Variants in RGS7 observed in about 807,000 individuals in gnomAD.
RGS7 encodes the protein regulator of G-protein signaling 7.
Under a neutral mutation model 81.1 loss-of-function variants are expected in RGS7, and 27 were observed. The observed-to-expected ratio is 0.33, with a 90% confidence interval of 0.25 to 0.46. The LOEUF is 0.46. RGS7 is among the 20% of genes least tolerant of loss of function. RGS7 has a pLI of 1.00. For synonymous variants in RGS7, 208 were observed against 207.7 expected, an observed-to-expected ratio of 1.00 and a Z score of -0.01; for missense variants, 396 against 607.4, an observed-to-expected ratio of 0.65 and a Z score of 3.66.
chr1:241,256,970 T>C (rs987596464), intron 2 of RGS7, among the ~76,000 whole-genome samples: 3 of 151,674 alleles, frequency 2.0e-5, no homozygotes, highest in African/African-American at 4.8e-5. Context: ...CACGTGTGTG[T>C]ATCTATATAT....
At chr1:240,890,672 A>C (rs1250411861) in intron 6 of RGS7, among the ~76,000 whole-genome samples, 2 of 152,126 alleles carry the variant, frequency 1.3e-5, no homozygotes, top group East Asian at 1.9e-4. Flanking sequence ...TTATAGATTA[A>C]TTATTTCTCC....
chr1:241,310,741 G>A (rs1421293622), intron 2 of RGS7, among the ~76,000 whole-genome samples: 1 of 152,028 alleles, frequency 6.6e-6, no homozygotes, highest in Non-Finnish European at 1.5e-5. Flanking sequence ...ATTCAGAACT[G>A]TCCTACTTCC....
At chr1:241,085,112 GT>G (rs1411994259) in intron 3 of RGS7, among the ~76,000 whole-genome samples, 1 of 152,190 alleles carries the variant, frequency 6.6e-6, no homozygotes, top group Non-Finnish European at 1.5e-5. Flanking sequence ...GGGAATTCTG[GT>G]TTCTTTTCTG....
At chr1:240,827,274 C>A in intron 9 of RGS7, 102 bp from the exon 10 acceptor site, 1 of 889,502 alleles carries the variant, frequency 1.1e-6, no homozygotes. Context: ...GCAAATGCCC[C>A]AATGACACAA....
intron 18 of RGS7, among the ~76,000 whole-genome samples, chr1:240,799,704 C>T (rs1178406386): frequency 1.3e-5 from 2 of 152,094 alleles, no homozygotes; most frequent in Non-Finnish European, 2.9e-5. Flanking sequence ...CATCTACCAC[C>T]ACAGATAAGC....
At chr1:241,211,716 TA>T (rs2074253626) in intron 2 of RGS7, among the ~76,000 whole-genome samples, 1 of 152,116 alleles carries the variant, frequency 6.6e-6, no homozygotes, top group Non-Finnish European at 1.5e-5. Context: ...TCATCAAGCT[TA>T]AAAAACAGTC....
Position 240,920,134 on chromosome 1 carries a change from C to T in RGS7, c.385+10583G>A, listed in dbSNP as rs563978045. The T allele has an allele frequency of 1.1e-4, 98 of 929,500 alleles. 1 individual carries two copies. In the East Asian group the frequency reaches 1.6e-3, roughly 16 times the overall value. 57.6% of individuals were successfully genotyped at this position (929,500 alleles called of 1,614,324 possible). A position where few individuals can be genotyped will look rare whatever the true frequency, so the allele number is the denominator to read the frequency against. On this transcript the variant is annotated intron_variant, in intron 6 of 18. Coordinates refer to ENST00000440928, the MANE Select transcript of RGS7 (RefSeq NM_001364886.1). ...GATGACTATGACTCCGTGGATAAGA[C>T]GGTCATTCAGAAATACCACACTGTG...
At chr1:240,809,265 A>G (rs1455562720) in intron 14 of RGS7, among the ~76,000 whole-genome samples, 1 of 152,194 alleles carries the variant, frequency 6.6e-6, no homozygotes, top group Non-Finnish European at 1.5e-5. Flanking sequence ...TATTTGAAGC[A>G]TAAGTAGTTA....
At chr1:241,159,592 A>C (rs2103184499) in intron 2 of RGS7, among the ~76,000 whole-genome samples, 1 of 152,256 alleles carries the variant, frequency 6.6e-6, no homozygotes, top group Non-Finnish European at 1.5e-5. Context: ...ATGTATAACA[A>C]ATAAGCTATT....
At chr1:240,809,252 G>T (rs907803295) in intron 14 of RGS7, among the ~76,000 whole-genome samples, 1 of 152,064 alleles carries the variant, frequency 6.6e-6, no homozygotes, top group African/African-American at 2.4e-5. Flanking sequence ...AGAGCAGAGG[G>T]TATATTTGAA....
At chr1:241,287,853 C>A (rs969750595) in intron 2 of RGS7, among the ~76,000 whole-genome samples, 2 of 152,026 alleles carry the variant, frequency 1.3e-5, no homozygotes, top group Non-Finnish European at 2.9e-5. Flanking sequence ...CAGGCTTGGG[C>A]AAATGCAGGG....
chr1:240,946,590 A>G (rs1200202764), intron 4 of RGS7, among the ~76,000 whole-genome samples: 1 of 151,910 alleles, frequency 6.6e-6, no homozygotes, highest in African/African-American at 2.4e-5. Flanking sequence ...ACAGAGTAAG[A>G]CCCCCTCTTT....
At chr1:240,989,635 AG>A (rs1191090232) in intron 3 of RGS7, among the ~76,000 whole-genome samples, 3 of 152,072 alleles carry the variant, frequency 2.0e-5, no homozygotes, top group Non-Finnish European at 2.9e-5. Flanking sequence ...GAAAGAATAA[AG>A]TTGACTTGTT....
At chr1:240,823,104 A>G (rs1692102599) in intron 10 of RGS7, 2 of 1,019,130 alleles carry the variant, frequency 2.0e-6, no homozygotes, top group Non-Finnish European at 3.1e-6. Flanking sequence ...AGTCTAAAGA[A>G]TCAAAGTTCT....
chr1:240,819,145 A>G (rs1691334847), intron 10 of RGS7, among the ~76,000 whole-genome samples: 1 of 152,158 alleles, frequency 6.6e-6, no homozygotes, highest in Non-Finnish European at 1.5e-5. Context: ...TATCACCTTA[A>G]TTTTTGAGAA....
chr1:241,119,889 A>G (rs559663282), intron 2 of RGS7, among the ~76,000 whole-genome samples: 4 of 149,962 alleles, frequency 2.7e-5, no homozygotes, highest in African/African-American at 1.0e-4. Flanking sequence ...CTTGTCTTTC[A>G]GTTATTCTTT....
At chr1:241,077,996 A>G (rs1189974034) in intron 3 of RGS7, among the ~76,000 whole-genome samples, 2 of 151,894 alleles carry the variant, frequency 1.3e-5, no homozygotes, top group African/African-American at 4.8e-5. Flanking sequence ...AACACAGACC[A>G]CTGACTTATT....
chr1:241,167,136 A>T (rs1558148700), intron 2 of RGS7, among the ~76,000 whole-genome samples: 1 of 152,074 alleles, frequency 6.6e-6, no homozygotes, highest in Non-Finnish European at 1.5e-5. Flanking sequence ...GACCCGGGGG[A>T]GAGGACGTGA....
At chr1:241,156,080 G>GCACA (rs149769224) in intron 2 of RGS7, among the ~76,000 whole-genome samples, 156 of 145,834 alleles carry the variant, frequency 1.1e-3, no homozygotes, top group African/African-American at 3.0e-3. Context: ...ACACACGCAC[G>GCACA]CACACACACA....
Sources: allele counts gnomAD v4.1 joint callset (sites outside exome capture counted in the v4.1 genomes callset), GRCh38; gene constraint gnomAD v4.1.1; transcripts MANE v1.5; gene names NCBI Gene and HGNC (gene_info 2026-07-23, HGNC 2026-07-21).